Variants in SIL1 observed in about 807,000 individuals in gnomAD.
SIL1 encodes SIL1 nucleotide exchange factor.
A neutral mutation model predicts 49.1 loss-of-function variants in SIL1; 40 were observed. That is an observed-to-expected ratio of 0.81 (90% CI 0.63 to 1.06). SIL1 has a LOEUF of 1.06. SIL1 is among the 50% of genes least tolerant of loss of function. The pLI, the probability that SIL1 is intolerant of heterozygous loss-of-function variation, is 0.00. For missense variants in SIL1, 500 were observed against 572.6 expected (o/e 0.87, Z 1.29); for synonymous variants, 253 against 250.8 (o/e 1.01, Z -0.08).
intron 3 of SIL1, among the ~76,000 whole-genome samples, chr5:139,108,376 A>G (rs1408011531): frequency 2.0e-5 from 3 of 152,156 alleles, no homozygotes; most frequent in Admixed American, 6.6e-5. Flanking sequence ...CAAAAAGGGG[A>G]AAAAGCTCCT....
intron 3 of SIL1, among the ~76,000 whole-genome samples, chr5:139,058,964 A>ATGTGTGTGTGTG (rs113502024): frequency 1.7e-3 from 146 of 86,824 alleles, no homozygotes; most frequent in African/African-American, 8.1e-3. Flanking sequence ...GGAGCTAGAA[A>ATGTGTGTGTGTG]TGTGTATGTG....
At chr5:139,079,567 C>T (rs535962895) in intron 3 of SIL1, among the ~76,000 whole-genome samples, 2 of 152,290 alleles carry the variant, frequency 1.3e-5, no homozygotes, top group South Asian at 2.1e-4. Context: ...CCCTCCCAAA[C>T]AATTCAAGAG....
intron 1 of SIL1, among the ~76,000 whole-genome samples, chr5:139,150,295 C>T (rs915283161): frequency 6.6e-6 from 1 of 152,084 alleles, no homozygotes; most frequent in African/African-American, 2.4e-5. Flanking sequence ...GTCCAAAGCT[C>T]AGCTCCTGCT....
At chr5:139,112,036 G>A (rs532896749) in intron 3 of SIL1, among the ~76,000 whole-genome samples, 2 of 152,336 alleles carry the variant, frequency 1.3e-5, no homozygotes, top group African/African-American at 4.8e-5. Flanking sequence ...TGCTGGAGAC[G>A]GGGTTTCGCT....
At chr5:139,111,879 C>T (rs934811687) in intron 3 of SIL1, among the ~76,000 whole-genome samples, 6 of 152,050 alleles carry the variant, frequency 3.9e-5, no homozygotes, top group Non-Finnish European at 5.9e-5. Context: ...TTTCCACGGT[C>T]TCCCTCTGAT....
intron 2 of SIL1, 28 bp downstream of exon 2, chr5:139,127,711 C>A (rs1242515001): frequency 7.0e-6 from 11 of 1,574,098 alleles, no homozygotes; most frequent in Non-Finnish European, 9.5e-6. Context: ...CATCAAGGGT[C>A]CCTCCCATTT....
At chr5:139,100,563 A>C (rs1220478533) in intron 3 of SIL1, among the ~76,000 whole-genome samples, 2 of 152,232 alleles carry the variant, frequency 1.3e-5, no homozygotes, top group African/African-American at 4.8e-5. Context: ...TTGAGAAATA[A>C]CTGCAGGTAA....
intron 6 of SIL1, chr5:139,022,128 A>G (rs755136733): frequency 3.9e-5 from 6 of 152,256 alleles, no homozygotes; most frequent in Non-Finnish European, 7.3e-5. Flanking sequence ...TGTTTTCTAC[A>G]TGTACCCGCT....
chr5:139,168,539 G>T (rs971406781), intron 1 of SIL1, among the ~76,000 whole-genome samples: 1 of 152,156 alleles, frequency 6.6e-6, no homozygotes, highest in Non-Finnish European at 1.5e-5. Context: ...TAGTAGCAGA[G>T]ATTGTTGTTG....
intron 3 of SIL1, among the ~76,000 whole-genome samples, chr5:139,092,961 AGTGG>A (rs1770374849): frequency 6.6e-6 from 1 of 152,146 alleles, no homozygotes; most frequent in South Asian, 2.1e-4. Flanking sequence ...CTATCACAGG[AGTGG>A]GTAAGTTTTC....
intron 7 of SIL1, among the ~76,000 whole-genome samples, chr5:139,010,439 G>A (rs1205822138): frequency 7.9e-5 from 12 of 151,852 alleles, no homozygotes; most frequent in African/African-American, 2.4e-4. Context: ...TAATTTGATC[G>A]TCTGAAGCCT....
chr5:138,969,707 A>G (rs1311335117), intron 7 of SIL1, among the ~76,000 whole-genome samples: 3 of 152,276 alleles, frequency 2.0e-5, no homozygotes, highest in African/African-American at 7.2e-5. Flanking sequence ...AAAGAATTGC[A>G]TGAACCGCAG....
At chr5:139,161,151 G>A (rs1561885185) in intron 1 of SIL1, among the ~76,000 whole-genome samples, 1 of 152,136 alleles carries the variant, frequency 6.6e-6, no homozygotes, top group Non-Finnish European at 1.5e-5. Flanking sequence ...GCTGAGGCAG[G>A]AGAATCGCTT....
At chr5:139,090,358 T>C (rs1466955830) in intron 3 of SIL1, among the ~76,000 whole-genome samples, 1 of 152,174 alleles carries the variant, frequency 6.6e-6, no homozygotes, top group East Asian at 1.9e-4. Context: ...TTGATTCTCT[T>C]CTGGGGCTCA....
chr5:139,078,363 G>T (rs1161759633), intron 3 of SIL1, among the ~76,000 whole-genome samples: 1 of 151,714 alleles, frequency 6.6e-6, no homozygotes, highest in Admixed American at 6.6e-5. Flanking sequence ...CTCATTCCAG[G>T]TTTCAAAGGA....
At chr5:139,148,384 G>A (rs746396082) in intron 1 of SIL1, among the ~76,000 whole-genome samples, 17 of 152,204 alleles carry the variant, frequency 1.1e-4, no homozygotes, top group Non-Finnish European at 2.4e-4. Context: ...CTGGGTTCCA[G>A]TGGGTGAGCT....
chr5:139,165,092 G>A (rs951054821), intron 1 of SIL1, among the ~76,000 whole-genome samples: 1 of 152,034 alleles, frequency 6.6e-6, no homozygotes, highest in Non-Finnish European at 1.5e-5. Context: ...AATCAACTAA[G>A]AGTCACGCAT....
chr5:139,059,868 G>A (rs2150463822), intron 3 of SIL1, among the ~76,000 whole-genome samples: 1 of 152,146 alleles, frequency 6.6e-6, no homozygotes, highest in East Asian at 1.9e-4. Flanking sequence ...CTCTAACACT[G>A]AGAAACCTGC....
intron 7 of SIL1, among the ~76,000 whole-genome samples, chr5:138,986,713 CTG>C (rs1399823045): frequency 6.6e-6 from 1 of 152,208 alleles, no homozygotes; most frequent in Non-Finnish European, 1.5e-5. Context: ...TAATCACTCA[CTG>C]TGTGTTTTTA....
Sources: gnomAD v4.1 joint callset for allele counts (sites outside exome capture counted in the v4.1 genomes callset) on GRCh38, gnomAD v4.1.1 for gene constraint, MANE v1.5 for transcripts, NCBI Gene and HGNC (gene_info 2026-07-23, HGNC 2026-07-21) for gene names.